Variants in THSD4 observed in about 807,000 individuals in gnomAD.
THSD4 encodes thrombospondin type 1 domain containing 4.
Under a neutral mutation model 119.0 loss-of-function variants are expected in THSD4, and 69 were observed. That is an observed-to-expected ratio of 0.58 (90% CI 0.48 to 0.71). The LOEUF (loss-of-function observed/expected upper bound fraction) is 0.71. Among genes scored for constraint, THSD4 ranks in the 30% least tolerant of loss-of-function variants. The probability of loss-of-function intolerance (pLI) is 0.00; values close to 1 mark genes in which losing one functional copy is unlikely to be tolerated. For synonymous variants in THSD4, 524 were observed against 540.4 expected, an observed-to-expected ratio of 0.97 and a Z score of 0.42; for missense variants, 1,393 against 1,391.1, an observed-to-expected ratio of 1.00 and a Z score of -0.02.
At chr15:71,425,604 G>T (rs1158527046) in intron 7 of THSD4, among the ~76,000 whole-genome samples, 3 of 152,260 alleles carry the variant, frequency 2.0e-5, no homozygotes, top group Non-Finnish European at 4.4e-5. Context: ...AACACTGCAG[G>T]CCTACTGGTT....
At chr15:71,591,005 C>CAAAAAAAAAAAAAAAAAA (rs67271025) in intron 7 of THSD4, among the ~76,000 whole-genome samples, 5 of 57,508 alleles carry the variant, frequency 8.7e-5, no homozygotes, top group South Asian at 8.7e-4. Context: ...GACTCCATCT[C>CAAAAAAAAAAAAAAAAAA]AAAAAAAAAA....
chr15:71,766,647 G>C (rs2053720573), intron 16 of THSD4: 1 of 152,102 alleles, frequency 6.6e-6, no homozygotes, highest in African/African-American at 2.4e-5. Flanking sequence ...GTTGACCAAG[G>C]CTTGAGGATA....
At chr15:71,599,599 C>T (rs551549427) in intron 7 of THSD4, among the ~76,000 whole-genome samples, 17 of 152,308 alleles carry the variant, frequency 1.1e-4, no homozygotes, top group Admixed American at 2.6e-4. Flanking sequence ...CAAATACTAA[C>T]GCAGGCTAAT....
intron 7 of THSD4, among the ~76,000 whole-genome samples, chr15:71,416,746 G>GT (rs1659263408): frequency 6.1e-5 from 1 of 16,512 alleles, no homozygotes; most frequent in African/African-American, 6.9e-5. Context: ...GTTTTGTTTT[G>GT]TTTTATTTTA....
At chr15:71,333,475 A>T (rs544654555) in intron 6 of THSD4, among the ~76,000 whole-genome samples, 47 of 152,246 alleles carry the variant, frequency 3.1e-4, no homozygotes, top group African/African-American at 1.1e-3. Flanking sequence ...CTCACCCTCA[A>T]CATACTCTAA....
intron 6 of THSD4, among the ~76,000 whole-genome samples, chr15:71,399,220 A>G (rs374195717): frequency 7.2e-5 from 11 of 152,292 alleles, no homozygotes; most frequent in African/African-American, 2.2e-4. Context: ...GTTGTGACCA[A>G]GTCACTAAGC....
At position 71,589,534 on chromosome 15, in the gene THSD4, T is replaced by C. The variant is rs1353336446; in HGVS notation, c.1153-70996T>C. Among the ~76,000 whole-genome samples the C allele has an allele frequency of 1.5e-5, 2 of 137,890 alleles. 1 individual carries two copies. 90.5% of individuals were successfully genotyped at this position (137,890 alleles called of 152,430 possible). On this transcript the variant is annotated intron_variant, in intron 7 of 17. Transcript: ENST00000261862. Reference sequence around the variant, plus strand: ...CCATGCCCAGCTAACTTTTTAACTTTTTTTGGTAGAGATGGGGCCCCATGT... The same window carrying C: ...CCATGCCCAGCTAACTTTTTAACTTCTTTTGGTAGAGATGGGGCCCCATGT...
At chr15:71,180,923 A>T (rs764622520) in intron 3 of THSD4, among the ~76,000 whole-genome samples, 1 of 152,124 alleles carries the variant, frequency 6.6e-6, no homozygotes, top group Non-Finnish European at 1.5e-5. Context: ...TATGTATGTT[A>T]TACCTCAATT....
chr15:71,591,648 G>A (rs1446535043), intron 7 of THSD4, among the ~76,000 whole-genome samples: 1 of 152,070 alleles, frequency 6.6e-6, no homozygotes, highest in Non-Finnish European at 1.5e-5. Context: ...GCAGCTGTTG[G>A]GAGTATGAGG....
chr15:71,762,561 AGT>A (rs984065804), intron 15 of THSD4, among the ~76,000 whole-genome samples: 63 of 152,300 alleles, frequency 4.1e-4, no homozygotes, highest in African/African-American at 1.5e-3. Context: ...TCCTGACTTC[AGT>A]CTAGTGTTCC....
intron 4 of THSD4, 25 bp downstream of exon 4, chr15:71,215,424 C>G (rs1191562180): frequency 2.0e-6 from 3 of 1,497,714 alleles, no homozygotes; most frequent in Non-Finnish European, 2.7e-6. Flanking sequence ...TTGTCTGTGC[C>G]GCTCCCCGTC....
At chr15:71,609,851 CAAAAA>C (rs369430349) in intron 7 of THSD4, among the ~76,000 whole-genome samples, 3 of 115,592 alleles carry the variant, frequency 2.6e-5, no homozygotes, top group African/African-American at 1.0e-4. Context: ...GACTCCGTCT[CAAAAA>C]AAAAAAAAAA....
At chr15:71,273,290 A>G (rs2044554358) in intron 6 of THSD4, among the ~76,000 whole-genome samples, 2 of 152,242 alleles carry the variant, frequency 1.3e-5, no homozygotes. Flanking sequence ...TAAGCCAGGC[A>G]CAGAAAGATG....
intron 3 of THSD4, among the ~76,000 whole-genome samples, chr15:71,156,613 A>G (rs1192724098): frequency 1.3e-5 from 2 of 152,152 alleles, no homozygotes; most frequent in Admixed American, 1.3e-4. Context: ...GGGCCAAGAA[A>G]AAAGAGTATG....
At chr15:71,524,763 ATTTTTTT>A (rs35666244) in intron 7 of THSD4, among the ~76,000 whole-genome samples, 21,212 of 116,320 alleles carry the variant, frequency 0.18, 2,056 homozygotes, top group Non-Finnish European at 0.23. Context: ...CGCCCGGCTA[ATTTTTTT>A]TTTTTTTTTT....
chr15:71,776,562 C>CAT (rs1457459126), intron 17 of THSD4, among the ~76,000 whole-genome samples: 6 of 152,246 alleles, frequency 3.9e-5, no homozygotes, highest in Middle Eastern at 3.4e-3. Context: ...CTGACAGGAA[C>CAT]ATAAACAGTT....
At chr15:71,280,843 A>G (rs889385924) in intron 6 of THSD4, among the ~76,000 whole-genome samples, 7 of 152,238 alleles carry the variant, frequency 4.6e-5, no homozygotes, top group Non-Finnish European at 1.0e-4. Context: ...CCCGCTGTGA[A>G]TGGACTACAT....
chr15:71,760,709 T>C (rs1289523525), intron 15 of THSD4, among the ~76,000 whole-genome samples: 2 of 152,210 alleles, frequency 1.3e-5, no homozygotes, highest in Non-Finnish European at 2.9e-5. Flanking sequence ...GCAATAGATA[T>C]ATTTATTCTC....
At chr15:71,552,609 T>G (rs1466191275) in intron 7 of THSD4, among the ~76,000 whole-genome samples, 1 of 152,222 alleles carries the variant, frequency 6.6e-6, no homozygotes, top group Non-Finnish European at 1.5e-5. Context: ...GTCAATCACT[T>G]GGGTGAAAAC....
Sources: allele counts gnomAD v4.1 joint callset (sites outside exome capture counted in the v4.1 genomes callset), GRCh38; gene constraint gnomAD v4.1.1; transcripts MANE v1.5; gene names NCBI Gene and HGNC (gene_info 2026-07-23, HGNC 2026-07-21).